Variants in SLC7A8 observed in about 807,000 individuals in gnomAD.
SLC7A8 encodes the protein solute carrier family 7 member 8.
In SLC7A8, 30 loss-of-function variants were observed where a neutral mutation model predicts 51.2. The observed-to-expected ratio is 0.59, with a 90% CI of 0.44 to 0.80. The LOEUF (loss-of-function observed/expected upper bound fraction) is 0.80, where lower values mean the gene tolerates loss of function less well. Ranked by LOEUF, SLC7A8 falls within the 30% of genes least tolerant of loss-of-function variation. SLC7A8 has a pLI of 0.00. For synonymous variants in SLC7A8, 257 were observed against 275.8 expected (o/e 0.93, Z 0.67); for missense variants, 612 against 674.4 (o/e 0.91, Z 1.03).
rs2048865382 is a variant in SLC7A8, at chr14:23,153,533, C to T, written c.509-10329G>A. Among the ~76,000 whole-genome samples the T allele has an allele frequency of 4.6e-5, 7 of 152,274 alleles. No homozygotes were observed. The South Asian group carries it at 1.5e-3, about 32-fold the overall frequency. On this transcript the variant is annotated intron_variant, in intron 3 of 10. Transcript: ENST00000316902. The stretch of plus-strand genomic sequence containing the variant: ...CACCAAGACACTGGTTAGCCCCAGC[C>T]TGGACTGCTTTCTGTGCAGCAGGAA...
At chr14:23,153,932 A>ATGG (rs2048869009) in intron 3 of SLC7A8, among the ~76,000 whole-genome samples, 1 of 152,222 alleles carries the variant, frequency 6.6e-6, no homozygotes, top group Non-Finnish European at 1.5e-5. Context: ...ATAAAGACAG[A>ATGG]TGGTGAAGAA....
At chr14:23,168,092 G>A (rs911456919) in intron 1 of SLC7A8, among the ~76,000 whole-genome samples, 3 of 152,134 alleles carry the variant, frequency 2.0e-5, no homozygotes, top group African/African-American at 7.2e-5. Context: ...GAAACTAAGA[G>A]AAATAATTCC....
intron 7 of SLC7A8, among the ~76,000 whole-genome samples, chr14:23,136,378 G>A (rs1486181821): frequency 5.3e-5 from 8 of 152,178 alleles, no homozygotes; most frequent in Non-Finnish European, 1.0e-4. Flanking sequence ...ATGCAGACAA[G>A]ACCAAGTGTA....
At chr14:23,150,321 A>G (rs999874553) in intron 3 of SLC7A8, among the ~76,000 whole-genome samples, 1 of 152,130 alleles carries the variant, frequency 6.6e-6, no homozygotes, top group African/African-American at 2.4e-5. Flanking sequence ...GGGTTTCTGG[A>G]GTCTTTTTCG....
At position 23,162,934 on chromosome 14, in the gene SLC7A8, T is replaced by G. The variant is rs1406793920; in HGVS notation, c.508+2351A>C. Among the ~76,000 whole-genome samples, 4 of 152,188 alleles carry G rather than the reference T, an allele frequency of 2.6e-5. No homozygotes were observed. The East Asian group carries it at 7.7e-4, about 29-fold the overall frequency. The stretch of plus-strand genomic sequence containing the variant: ...AGGGTGGCCTCTTGTCTGAGACACT[T>G]TAGCAGCATCAGCAGGAAAAAGGAA... On this transcript the variant is annotated intron_variant, in intron 3 of 10. Transcript: ENST00000316902.
chr14:23,158,384 C>T (rs545728543), intron 3 of SLC7A8, among the ~76,000 whole-genome samples: 7 of 152,182 alleles, frequency 4.6e-5, no homozygotes, highest in Non-Finnish European at 1.0e-4. Context: ...CTAGCTCTGT[C>T]GCCCAGGCTG....
intron 4 of SLC7A8, among the ~76,000 whole-genome samples, chr14:23,142,004 GACTC>G (rs1477821036): frequency 6.6e-6 from 1 of 152,210 alleles, no homozygotes; most frequent in Non-Finnish European, 1.5e-5. Flanking sequence ...GCTTAGGAGG[GACTC>G]ACTATTTTTG....
chr14:23,181,119 G>A lies in SLC7A8; in HGVS notation c.151+1645C>T, dbSNP rs188902899. 8.5e-5 allele frequency among the ~76,000 whole-genome samples: 13 copies of A among 152,284 alleles called. No homozygotes were observed. In the South Asian group the frequency reaches 1.9e-3, roughly 22 times the overall value. On this transcript the variant is annotated intron_variant, in intron 1 of 10. Coordinates refer to ENST00000316902, the MANE Select transcript of SLC7A8 (RefSeq NM_012244.4). ...TAATTGTGCTTGTGTGCCTGTGGGCGTGCGCATCTGTGTATAAGTCAGAAC... is the reference window on the plus strand; with the variant it reads ...TAATTGTGCTTGTGTGCCTGTGGGCATGCGCATCTGTGTATAAGTCAGAAC...
At chr14:23,155,281 T>C (rs1399319810) in intron 3 of SLC7A8, 1 of 1,535,664 alleles carries the variant, frequency 6.5e-7, no homozygotes, top group East Asian at 2.4e-5. Flanking sequence ...AGAGAAGCTG[T>C]GAGGGCTGTG....
intron 7 of SLC7A8, 46 bp from the exon 8 acceptor site, chr14:23,131,603 C>A: frequency 6.8e-7 from 1 of 1,474,042 alleles, no homozygotes; most frequent in East Asian, 2.4e-5. Flanking sequence ...CCAGGGACCA[C>A]CAAGCCCCAG....
At chr14:23,167,596 C>T (rs998016569) in intron 1 of SLC7A8, among the ~76,000 whole-genome samples, 2 of 152,104 alleles carry the variant, frequency 1.3e-5, no homozygotes, top group East Asian at 1.9e-4. Context: ...GTGTGGAGGC[C>T]GTTCCTGACA....
At chr14:23,162,406 A>T (rs949567075) in intron 3 of SLC7A8, among the ~76,000 whole-genome samples, 2 of 152,258 alleles carry the variant, frequency 1.3e-5, no homozygotes, top group African/African-American at 4.8e-5. Context: ...TTTCAAGGAC[A>T]TTGAAAATTC....
intron 5 of SLC7A8, among the ~76,000 whole-genome samples, chr14:23,140,105 A>T (rs534930465): frequency 6.6e-6 from 1 of 152,314 alleles, no homozygotes; most frequent in East Asian, 1.9e-4. Context: ...TCTTGACCTG[A>T]ATCTCCACAA....
At chr14:23,164,949 G>A (rs1052809166) in intron 3 of SLC7A8, among the ~76,000 whole-genome samples, 6 of 151,648 alleles carry the variant, frequency 4.0e-5, no homozygotes, top group Admixed American at 6.6e-5. Flanking sequence ...TGGAGATCAC[G>A]CCACTGCACT....
At position 23,165,331 on chromosome 14, in the gene SLC7A8, G is replaced by A. The variant is rs1338362294; in HGVS notation, c.462C>T (p.Cys154=). 6.2e-7 allele frequency: 1 copy of A among 1,607,636 alleles called. No homozygotes were observed. The highest frequency in any genetic ancestry group is 1.7e-5 in the Admixed American group (1 of 58,900). ...GCCGAAGGCCAGACTCTGGGGGGAA[G>A]CAGGTGGGGAAGAGCGGCTGCAGCA... The part of the protein sequence containing the change: ...NYVLQPLFPT[C]FPPESGLRLL... Residue 154 remains cysteine, a synonymous_variant, in exon 3 of 11, where the codon TGC becomes TGT. Coordinates refer to ENST00000316902, the MANE Select transcript of SLC7A8 (RefSeq NM_012244.4). The surrounding 1 kb of genome is among the most constrained non-coding windows in gnomAD (Gnocchi z 4.2).
intron 4 of SLC7A8, among the ~76,000 whole-genome samples, chr14:23,141,058 G>A (rs2048740058): frequency 6.6e-6 from 1 of 152,174 alleles, no homozygotes; most frequent in African/African-American, 2.4e-5. Context: ...CAAGGCAGAA[G>A]GAATGCTTGA....
intron 1 of SLC7A8, among the ~76,000 whole-genome samples, chr14:23,172,912 AT>A (rs3831862): frequency 4.8e-3 from 713 of 148,708 alleles, no homozygotes; most frequent in African/African-American, 5.8e-3. Flanking sequence ...AGCCTGGATG[AT>A]TTTTTTTTTT....
intron 1 of SLC7A8, among the ~76,000 whole-genome samples, chr14:23,172,862 A>G (rs1380740877): frequency 2.0e-5 from 3 of 152,118 alleles, no homozygotes; most frequent in African/African-American, 4.8e-5. Context: ...CAACCTCAGC[A>G]CTGTTACTTT....
At chr14:23,154,245 C>A in intron 3 of SLC7A8, 2 of 1,000,194 alleles carry the variant, frequency 2.0e-6, no homozygotes, top group Non-Finnish European at 2.4e-6. Flanking sequence ...GAAGGGTTGG[C>A]TTCTCAGCCT....
Sources: gnomAD v4.1 joint callset for allele counts (sites outside exome capture counted in the v4.1 genomes callset) on GRCh38, gnomAD v4.1.1 for gene constraint, Gnocchi (gnomAD v3.1) non-coding constraint, MANE v1.5 for transcripts, NCBI Gene and HGNC (gene_info 2026-07-23, HGNC 2026-07-21) for gene names.